PTPRG: variants seen among roughly 807,000 people sequenced by gnomAD.
PTPRG encodes the protein protein tyrosine phosphatase receptor type G.
A neutral mutation model predicts 165.3 loss-of-function variants in PTPRG; 102 were observed. That is an observed-to-expected ratio of 0.62 (90% CI 0.53 to 0.73). The LOEUF (loss-of-function observed/expected upper bound fraction) is 0.73. Ranked by LOEUF, PTPRG falls within the 30% of genes least tolerant of loss-of-function variation. PTPRG has a pLI of 0.00. For missense variants in PTPRG, 1,866 were observed against 1,861.4 expected, an observed-to-expected ratio of 1.00 and a Z score of -0.05; for synonymous variants, 675 against 669.5, an observed-to-expected ratio of 1.01 and a Z score of -0.13.
At chr3:61,684,763 C>T (rs1490176265) in intron 1 of PTPRG, among the ~76,000 whole-genome samples, 6 of 152,142 alleles carry the variant, frequency 3.9e-5, no homozygotes, top group Non-Finnish European at 8.8e-5. Flanking sequence ...TTAAAACTTG[C>T]CTGTGAGATT....
intron 2 of PTPRG, among the ~76,000 whole-genome samples, chr3:61,836,712 A>G (rs2036472563): frequency 6.7e-6 from 1 of 149,572 alleles, no homozygotes; most frequent in African/African-American, 2.5e-5. Context: ...TCTGTTTGAA[A>G]CCAGTTTTTT....
At chr3:62,197,589 A>AGAAG (rs1246882955) in intron 10 of PTPRG, among the ~76,000 whole-genome samples, 2 of 152,106 alleles carry the variant, frequency 1.3e-5, no homozygotes, top group South Asian at 2.1e-4. Flanking sequence ...GGCCTAGGGG[A>AGAAG]GAAGGAAGGA....
intron 2 of PTPRG, among the ~76,000 whole-genome samples, chr3:61,890,552 C>A (rs1403111256): frequency 6.6e-6 from 1 of 151,622 alleles, no homozygotes; most frequent in African/African-American, 2.4e-5. Context: ...TTCCTTGAAG[C>A]AGCTATTTTT....
intron 16 of PTPRG, chr3:62,262,377 CTTCCTT>C: frequency 6.5e-6 from 1 of 153,264 alleles, no homozygotes; most frequent in African/African-American, 2.4e-5. Flanking sequence ...AATTCCCTTT[CTTCCTT>C]TAAGACTTAG....
rs532894730 is a variant in PTPRG at position 61,895,062 on chromosome 3, T to A, written c.191-94563T>A. Among the ~76,000 whole-genome samples, 13 of 152,206 alleles carry A rather than the reference T, an allele frequency of 8.5e-5. No homozygotes were observed. The South Asian group carries it at 2.7e-3, about 32-fold the overall frequency. ...GTCTCCAGATGGACGTCGTTAAACA[T>A]CCCCTAGGGGCAGAATGGATCCCTG... is the stretch of plus-strand genomic sequence containing the variant. On this transcript the variant is annotated intron_variant, in intron 2 of 29. Transcript: ENST00000474889.
intron 2 of PTPRG, among the ~76,000 whole-genome samples, chr3:61,836,133 A>G (rs760725138): frequency 7.1e-6 from 1 of 141,570 alleles, no homozygotes; most frequent in African/African-American, 2.6e-5. Context: ...GGCTCTTTGG[A>G]TATTTGTAGG....
At chr3:62,140,421 C>T (rs761245311) in intron 6 of PTPRG, among the ~76,000 whole-genome samples, 1 of 152,142 alleles carries the variant, frequency 6.6e-6, no homozygotes, top group South Asian at 2.1e-4. Context: ...GAATATTATG[C>T]TGCACTTACA....
chr3:61,642,135 C>T (rs560497417), intron 1 of PTPRG, among the ~76,000 whole-genome samples: 1 of 152,210 alleles, frequency 6.6e-6, no homozygotes, highest in African/African-American at 2.4e-5. Flanking sequence ...TGATGCTGAC[C>T]CCGAGTTATT....
Position 62,155,622 on chromosome 3 carries a change from C to T in PTPRG, c.683-1445C>T, listed in dbSNP as rs961977948. The stretch of plus-strand genomic sequence containing the variant: ...CTCAGAATAGTGCCTGGCATATAGG[C>T]GAAGCTAAATCAATGTTAAGTCTTC... On this transcript the variant is annotated intron_variant, in intron 6 of 29. Transcript: ENST00000474889. Among the ~76,000 whole-genome samples the T allele has an allele frequency of 4.6e-5, 7 of 152,276 alleles. No individual in the cohort carries two copies. The East Asian group carries it at 9.6e-4, about 21-fold the overall frequency.
intron 1 of PTPRG, among the ~76,000 whole-genome samples, chr3:61,640,293 T>G (rs896230225): frequency 2.0e-5 from 3 of 152,172 alleles, no homozygotes; most frequent in African/African-American, 7.2e-5. Flanking sequence ...ACAATCAGTC[T>G]TTTCCCAAAA....
rs950697466 is a variant in PTPRG at position 62,255,574 on chromosome 3, A to G, written c.2559+359A>G. 6.6e-6 allele frequency among the ~76,000 whole-genome samples: 1 copy of G among 152,154 alleles called. No individual in the cohort carries two copies. Among genetic ancestry groups the G allele is most frequent in the Non-Finnish European group, 1.5e-5 (1 of 68,044 alleles). ...ATGTCTTTTCTGCAATGCACATGGT[A>G]TAGTGAAGATAGCAGGTTTGGTGTC... On this transcript the variant is annotated intron_variant, in intron 16 of 29. Coordinates refer to ENST00000474889, the MANE Select transcript of PTPRG (RefSeq NM_002841.4). This position sits in a 1 kb window ranked among gnomAD's most constrained non-coding sequence, Gnocchi z 4.0.
intron 1 of PTPRG, among the ~76,000 whole-genome samples, chr3:61,647,116 A>G (rs1036747293): frequency 4.6e-5 from 7 of 152,184 alleles, no homozygotes; most frequent in Non-Finnish European, 1.0e-4. Flanking sequence ...TTTCTCTGAG[A>G]TAAATGCTCA....
intron 4 of PTPRG, among the ~76,000 whole-genome samples, chr3:62,036,983 G>GCGCGCA (rs145992725): frequency 1.3e-5 from 2 of 150,456 alleles, no homozygotes; most frequent in East Asian, 4.0e-4. Context: ...GCGCGCGCAC[G>GCGCGCA]CACACACACA....
intron 2 of PTPRG, among the ~76,000 whole-genome samples, chr3:61,864,674 C>T (rs575812361): frequency 4.6e-5 from 7 of 151,456 alleles, no homozygotes; most frequent in Non-Finnish European, 7.4e-5. Flanking sequence ...TCTTTAAATC[C>T]GGTTCACCAG....
intron 4 of PTPRG, among the ~76,000 whole-genome samples, chr3:62,075,638 C>G (rs1056339086): frequency 6.6e-6 from 1 of 152,196 alleles, no homozygotes; most frequent in Non-Finnish European, 1.5e-5. Context: ...TTTGGGCTAC[C>G]TGATTGCCCT....
At chr3:62,211,211 T>A (rs902135038) in intron 12 of PTPRG, among the ~76,000 whole-genome samples, 1 of 152,326 alleles carries the variant, frequency 6.6e-6, no homozygotes, top group Middle Eastern at 3.4e-3. Context: ...TGCTACAACA[T>A]GGATGAACCC....
chr3:61,821,955 T>C (rs1317415964), intron 2 of PTPRG, among the ~76,000 whole-genome samples: 1 of 152,246 alleles, frequency 6.6e-6, no homozygotes, highest in Non-Finnish European at 1.5e-5. Flanking sequence ...AAGCATAAGC[T>C]AGCAATTTAA....
At chr3:61,874,873 C>T (rs2107454305) in intron 2 of PTPRG, among the ~76,000 whole-genome samples, 1 of 152,314 alleles carries the variant, frequency 6.6e-6, no homozygotes, top group African/African-American at 2.4e-5. Flanking sequence ...TTCACCATGG[C>T]ATTGCTCCAG....
chr3:62,183,986 T>C (rs1705767316), intron 8 of PTPRG, among the ~76,000 whole-genome samples: 1 of 152,332 alleles, frequency 6.6e-6, no homozygotes, highest in African/African-American at 2.4e-5. Context: ...GACTGCTCCA[T>C]GGAGTGCCCT....
Sources: allele counts gnomAD v4.1 joint callset (sites outside exome capture counted in the v4.1 genomes callset), GRCh38; gene constraint gnomAD v4.1.1; non-coding constraint Gnocchi (gnomAD v3.1); transcripts MANE v1.5; gene names NCBI Gene and HGNC (gene_info 2026-07-23, HGNC 2026-07-21).